The following XNDC1N variants were observed in gnomAD, a reference collection of about 807,000 sequenced individuals.
XNDC1N encodes protein XNDC1N.
At chr11:71,872,650 C>A in the XNDC1N span, among the ~76,000 whole-genome samples, 5 of 152,012 alleles carry the variant, frequency 3.3e-5, no homozygotes, top group Admixed American at 6.6e-5. Flanking sequence ...ATGGCGTGAA[C>A]CTGGGAGGTG....
chr11:71,885,474 C>A, the XNDC1N span, among the ~76,000 whole-genome samples: 3 of 152,130 alleles, frequency 2.0e-5, no homozygotes, highest in African/African-American at 7.2e-5. Flanking sequence ...GAATTAGGAG[C>A]AAAATCACCG....
chr11:71,919,807 C>T, the XNDC1N span, among the ~76,000 whole-genome samples: 1 of 149,502 alleles, frequency 6.7e-6, no homozygotes, highest in Non-Finnish European at 1.5e-5. Flanking sequence ...TTAGTAGAGA[C>T]GGGGTTTCAC....
At chr11:71,897,251 C>G in the XNDC1N span, among the ~76,000 whole-genome samples, 7 of 152,192 alleles carry the variant, frequency 4.6e-5, no homozygotes, top group Non-Finnish European at 1.0e-4. Context: ...ATGACAGACA[C>G]TTTTGTGCAG....
At chr11:71,889,333 G>C in the XNDC1N span, among the ~76,000 whole-genome samples, 16 of 152,248 alleles carry the variant, frequency 1.1e-4, no homozygotes, top group African/African-American at 3.9e-4. Context: ...CATTGCAGGG[G>C]ACACCAGCGA....
At chr11:71,867,808 G>T in the XNDC1N span, among the ~76,000 whole-genome samples, 1 of 152,192 alleles carries the variant, frequency 6.6e-6, no homozygotes, top group Non-Finnish European at 1.5e-5. Flanking sequence ...AGGTCCATTT[G>T]GTCAAGTGTT....
chr11:71,904,948 C>A, the XNDC1N span, among the ~76,000 whole-genome samples: 15 of 152,100 alleles, frequency 9.9e-5, no homozygotes, highest in Admixed American at 7.9e-4. Context: ...AGGGAGTACA[C>A]CCCGTGTGAC....
chr11:71,879,119 A>T, the XNDC1N span, among the ~76,000 whole-genome samples: 31,864 of 152,088 alleles, frequency 0.21, 6,284 homozygotes, highest in African/African-American at 0.52. Flanking sequence ...AAGCGAATGA[A>T]GACTAGAAGA....
the XNDC1N span, among the ~76,000 whole-genome samples, chr11:71,909,217 A>T: frequency 2.6e-5 from 4 of 152,160 alleles, no homozygotes; most frequent in African/African-American, 9.6e-5. Context: ...ATAGCTAGCC[A>T]GGTGTTTGTA....
chr11:71,896,229 G>A, the XNDC1N span, among the ~76,000 whole-genome samples: 4 of 152,162 alleles, frequency 2.6e-5, no homozygotes, highest in African/African-American at 7.2e-5. Context: ...CAGTGAGCCC[G>A]GACTGTGCCT....
At chr11:71,906,410 T>C in the XNDC1N span, among the ~76,000 whole-genome samples, 1 of 151,990 alleles carries the variant, frequency 6.6e-6, no homozygotes, top group Non-Finnish European at 1.5e-5. Flanking sequence ...TGCACTAGGA[T>C]ATTATGAAAG....
the XNDC1N span, among the ~76,000 whole-genome samples, chr11:71,875,766 C>T: frequency 6.6e-6 from 1 of 152,226 alleles, no homozygotes; most frequent in Admixed American, 6.5e-5. Flanking sequence ...TAGCTCACTG[C>T]TGTAATCCCA....
the XNDC1N span, among the ~76,000 whole-genome samples, chr11:71,874,369 C>G: frequency 3.3e-5 from 5 of 152,138 alleles, no homozygotes; most frequent in South Asian, 2.1e-4. Context: ...AGATAGAACT[C>G]GGCTTGCTAA....
At chr11:71,881,656 A>G in the XNDC1N span, among the ~76,000 whole-genome samples, 2 of 152,130 alleles carry the variant, frequency 1.3e-5, no homozygotes, top group East Asian at 3.8e-4. Context: ...AAATCTTCAA[A>G]TATGATTACA....
At chr11:71,922,523 G>T in the XNDC1N span, among the ~76,000 whole-genome samples, 623 of 152,110 alleles carry the variant, frequency 4.1e-3, 9 homozygotes, top group African/African-American at 0.014. Context: ...GGCTGTTCTT[G>T]AACTCCTGGG....
chr11:71,917,853 C>T, the XNDC1N span: 20 of 667,344 alleles, frequency 3.0e-5, no homozygotes, highest in South Asian at 3.3e-4. Context: ...AAGGAGGACA[C>T]TCCTCTACTT....
the XNDC1N span, among the ~76,000 whole-genome samples, chr11:71,891,674 G>T: frequency 6.6e-6 from 1 of 152,004 alleles, no homozygotes; most frequent in African/African-American, 2.4e-5. Context: ...CAATTACTTC[G>T]ATATTGGGAG....
chr11:71,910,039 C>T, the XNDC1N span, among the ~76,000 whole-genome samples: 4 of 152,148 alleles, frequency 2.6e-5, no homozygotes, highest in South Asian at 2.1e-4. Context: ...TGAAGACGGG[C>T]CCAGCCGGTG....
the XNDC1N span, among the ~76,000 whole-genome samples, chr11:71,890,188 C>G: frequency 6.6e-6 from 1 of 152,056 alleles, no homozygotes. Flanking sequence ...CCTCTCCCCT[C>G]CTCCCCCGGC....
At chr11:71,884,605 G>A in the XNDC1N span, 4 of 1,558,980 alleles carry the variant, frequency 2.6e-6, no homozygotes, top group East Asian at 7.2e-5. Context: ...GAAAAAACAT[G>A]TCTTAAACTC....
Sources: allele counts gnomAD v4.1 joint callset (sites outside exome capture counted in the v4.1 genomes callset), GRCh38; gene constraint gnomAD v4.1.1; transcripts MANE v1.5; gene names NCBI Gene and HGNC (gene_info 2026-07-23, HGNC 2026-07-21).